ATP8A2: variants seen among roughly 807,000 people sequenced by gnomAD.
ATP8A2 encodes ATPase phospholipid transporting 8A2.
A neutral mutation model predicts 165.6 loss-of-function variants in ATP8A2; 100 were observed. The ratio of observed to expected loss-of-function variants is 0.60; its 90% CI spans 0.51 to 0.71. The LOEUF (loss-of-function observed/expected upper bound fraction) is 0.71. ATP8A2 is among the 30% of genes least tolerant of loss of function. ATP8A2 has a pLI of 0.00. For missense variants in ATP8A2, 1,227 were observed against 1,479.5 expected (o/e 0.83, Z 2.80); for synonymous variants, 543 against 548.8 (o/e 0.99, Z 0.15).
At chr13:25,572,895 C>T (rs1365889234) in intron 18 of ATP8A2, among the ~76,000 whole-genome samples, 1 of 152,216 alleles carries the variant, frequency 6.6e-6, no homozygotes, top group African/African-American at 2.4e-5. Flanking sequence ...TAAGTTTTTT[C>T]TTTTAGTTAT....
At chr13:25,416,106 G>A (rs963501429) in intron 1 of ATP8A2, among the ~76,000 whole-genome samples, 4 of 152,228 alleles carry the variant, frequency 2.6e-5, no homozygotes, top group Non-Finnish European at 5.9e-5. Flanking sequence ...GGGATAGCAG[G>A]CATGAGCCAC....
intron 1 of ATP8A2, among the ~76,000 whole-genome samples, chr13:25,444,045 T>C (rs2035003542): frequency 6.6e-6 from 1 of 152,230 alleles, no homozygotes; most frequent in Admixed American, 6.5e-5. Context: ...CCTAGTTCCA[T>C]TTACCCCTTC....
intron 1 of ATP8A2, among the ~76,000 whole-genome samples, chr13:25,426,265 C>T (rs2034446978): frequency 6.6e-6 from 1 of 152,156 alleles, no homozygotes; most frequent in South Asian, 2.1e-4. Flanking sequence ...TGACTTATGG[C>T]AGAAGGAGGA....
chr13:25,591,423 C>CT (rs1206021353), intron 24 of ATP8A2: 1 of 454,300 alleles, frequency 2.2e-6, no homozygotes, highest in Non-Finnish European at 4.4e-6. Flanking sequence ...ATTTTTATGA[C>CT]TAGCTCATTT....
chr13:25,996,241 A>G (rs996031542), intron 35 of ATP8A2, among the ~76,000 whole-genome samples: 2 of 152,140 alleles, frequency 1.3e-5, no homozygotes, highest in African/African-American at 4.8e-5. Context: ...GTATCTTTTA[A>G]TTGGCATATT....
chr13:25,551,845 G>A (rs1419872782), intron 11 of ATP8A2, among the ~76,000 whole-genome samples: 4 of 151,726 alleles, frequency 2.6e-5, no homozygotes, highest in Non-Finnish European at 5.9e-5. Flanking sequence ...TCACTCCAGC[G>A]TACCTCCATT....
chr13:25,495,171 T>C (rs2036637900), intron 2 of ATP8A2, among the ~76,000 whole-genome samples: 1 of 152,212 alleles, frequency 6.6e-6, no homozygotes, highest in Admixed American at 6.5e-5. Context: ...GCTGCTGCCC[T>C]TCCAGGGTGG....
chr13:25,427,382 T>G (rs1381857733), intron 1 of ATP8A2, among the ~76,000 whole-genome samples: 1 of 152,014 alleles, frequency 6.6e-6, no homozygotes, highest in Admixed American at 6.6e-5. Flanking sequence ...TACATTATGG[T>G]GATTTGCATA....
At chr13:26,013,118 C>G (rs1390303954) in intron 36 of ATP8A2, among the ~76,000 whole-genome samples, 1 of 151,732 alleles carries the variant, frequency 6.6e-6, no homozygotes, top group African/African-American at 2.4e-5. Flanking sequence ...TGAAACATCC[C>G]CTCTCCACTG....
chr13:25,547,130 G>A (rs564423158), intron 10 of ATP8A2, among the ~76,000 whole-genome samples: 7 of 151,308 alleles, frequency 4.6e-5, no homozygotes, highest in Admixed American at 6.6e-5. Context: ...GCTCCGTCTC[G>A]AAATAAATAA....
At chr13:25,417,948 C>T (rs913368865) in intron 1 of ATP8A2, among the ~76,000 whole-genome samples, 3 of 152,216 alleles carry the variant, frequency 2.0e-5, no homozygotes, top group African/African-American at 7.2e-5. Flanking sequence ...GTAAAATTAA[C>T]TGGTGCTCTG....
At chr13:25,827,856 T>G (rs1951359520) in intron 27 of ATP8A2, among the ~76,000 whole-genome samples, 1 of 152,266 alleles carries the variant, frequency 6.6e-6, no homozygotes, top group Non-Finnish European at 1.5e-5. Flanking sequence ...TAAATGCAAA[T>G]TAAATCTATT....
At chr13:25,425,218 C>T (rs1204082587) in intron 1 of ATP8A2, among the ~76,000 whole-genome samples, 1 of 152,102 alleles carries the variant, frequency 6.6e-6, no homozygotes, top group Non-Finnish European at 1.5e-5. Flanking sequence ...CATTAGAGCA[C>T]TTGGGTTCCA....
At chr13:25,954,256 T>TG (rs1047135026) in intron 33 of ATP8A2, among the ~76,000 whole-genome samples, 6 of 152,188 alleles carry the variant, frequency 3.9e-5, no homozygotes, top group African/African-American at 1.4e-4. Context: ...TTGAACTGGG[T>TG]GGAGCCCACT....
chr13:25,651,572 TTTTA>T (rs10540707), intron 24 of ATP8A2, among the ~76,000 whole-genome samples: 40,723 of 151,854 alleles, frequency 0.27, 5,649 homozygotes, highest in South Asian at 0.47. Flanking sequence ...CTATCATCTT[TTTTA>T]TTTATGACTA....
chr13:25,766,158 C>T (rs1049941058), intron 25 of ATP8A2, among the ~76,000 whole-genome samples: 3 of 152,142 alleles, frequency 2.0e-5, no homozygotes, highest in Middle Eastern at 3.2e-3. Flanking sequence ...TGAGGTTCCA[C>T]CTCAGTGAAT....
At chr13:25,913,426 T>C (rs1954178564) in intron 33 of ATP8A2, among the ~76,000 whole-genome samples, 1 of 152,252 alleles carries the variant, frequency 6.6e-6, no homozygotes, top group Non-Finnish European at 1.5e-5. Flanking sequence ...AAAATTATTT[T>C]CCTTTCATAA....
chr13:25,429,322 A>T (rs1267858337), intron 1 of ATP8A2, among the ~76,000 whole-genome samples: 1 of 147,828 alleles, frequency 6.8e-6, no homozygotes, highest in Admixed American at 6.8e-5. Flanking sequence ...GTGTGCCAAG[A>T]TGGAGCCATT....
At chr13:25,811,222 A>G (rs1950859981) in intron 27 of ATP8A2, among the ~76,000 whole-genome samples, 1 of 152,210 alleles carries the variant, frequency 6.6e-6, no homozygotes, top group African/African-American at 2.4e-5. Context: ...TGTGAAAGGC[A>G]CTTGGCAATG....
Sources: gnomAD v4.1 joint callset for allele counts (sites outside exome capture counted in the v4.1 genomes callset) on GRCh38, gnomAD v4.1.1 for gene constraint, MANE v1.5 for transcripts, NCBI Gene and HGNC (gene_info 2026-07-23, HGNC 2026-07-21) for gene names.